Variants in DPY19L2 observed in about 807,000 individuals in gnomAD.
DPY19L2 encodes dpy-19 like 2.
In DPY19L2, 34 loss-of-function variants were observed where a neutral mutation model predicts 97.9. The ratio of observed to expected loss-of-function variants is 0.35; its 90% CI spans 0.26 to 0.46. The LOEUF is 0.46. Among genes scored for constraint, DPY19L2 ranks in the 20% least tolerant of loss-of-function variants. The probability of loss-of-function intolerance (pLI) is 1.00; values close to 1 mark genes in which losing one functional copy is unlikely to be tolerated. For missense variants in DPY19L2, 623 were observed against 911.4 expected (o/e 0.68, Z 4.07); for synonymous variants, 230 against 307.9 (o/e 0.75, Z 2.65).
At chr12:63,628,789 C>T (rs1292445861) in intron 6 of DPY19L2, among the ~76,000 whole-genome samples, 2 of 150,948 alleles carry the variant, frequency 1.3e-5, no homozygotes, top group African/African-American at 2.5e-5. Context: ...CCCTGACCTC[C>T]GAGTAGCATA....
chr12:63,637,409 C>G (rs1000691036), intron 6 of DPY19L2, among the ~76,000 whole-genome samples: 1 of 151,750 alleles, frequency 6.6e-6, no homozygotes, highest in African/African-American at 2.4e-5. Flanking sequence ...TTTAAAAAAT[C>G]AATGAATCCA....
chr12:63,562,993 C>T (rs2942654), intron 21 of DPY19L2, among the ~76,000 whole-genome samples: 1 of 152,058 alleles, frequency 6.6e-6, no homozygotes, highest in Non-Finnish European at 1.5e-5. Context: ...GATGGGGTTT[C>T]GCCATGTTGG....
intron 19 of DPY19L2, among the ~76,000 whole-genome samples, chr12:63,575,949 C>T (rs1879730787): frequency 6.6e-6 from 1 of 151,726 alleles, no homozygotes; most frequent in Admixed American, 6.6e-5. Flanking sequence ...TGTATGAGAC[C>T]AATATCACTT....
intron 11 of DPY19L2, among the ~76,000 whole-genome samples, chr12:63,610,304 A>G (rs1288225287): frequency 4.7e-5 from 4 of 85,422 alleles, no homozygotes. Context: ...GTATTTTCTG[A>G]GTATAATTAT....
At chr12:63,586,223 C>T (rs1210810094) in intron 16 of DPY19L2, among the ~76,000 whole-genome samples, 7 of 152,102 alleles carry the variant, frequency 4.6e-5, no homozygotes, top group African/African-American at 1.7e-4. Flanking sequence ...TTGAATGAAA[C>T]CCATAAATAT....
chr12:63,583,208 A>G (rs143943676), intron 17 of DPY19L2, among the ~76,000 whole-genome samples: 4,489 of 152,220 alleles, frequency 0.029, 104 homozygotes, highest in Middle Eastern at 0.082. Context: ...TATCTCTATT[A>G]AGTTCAAATT....
chr12:63,638,241 C>T (rs1487157933), intron 6 of DPY19L2, among the ~76,000 whole-genome samples: 1 of 152,150 alleles, frequency 6.6e-6, no homozygotes, highest in Admixed American at 6.6e-5. Context: ...GACAAACCCA[C>T]AGCCAATATC....
In DPY19L2 at chr12:63,607,250, C is replaced by G. The variant is rs981334549; in HGVS notation, c.1278+1366G>C. 2.0e-5 allele frequency among the ~76,000 whole-genome samples: 3 copies of G among 152,132 alleles called. No homozygotes were observed. In the East Asian group the frequency reaches 5.8e-4, roughly 29 times the overall value. ...TTTTTTGATGCTTATGGACACTCTT[C>G]TATTTATTGTCATTTTTCAATAGTT... is the stretch of plus-strand genomic sequence containing the variant. On this transcript the variant is annotated intron_variant, in intron 12 of 21. Coordinates refer to ENST00000324472, the MANE Select transcript of DPY19L2 (RefSeq NM_173812.5).
intron 6 of DPY19L2, among the ~76,000 whole-genome samples, chr12:63,630,468 T>C (rs1223789284): frequency 1.3e-5 from 2 of 151,430 alleles, no homozygotes; most frequent in African/African-American, 2.4e-5. Flanking sequence ...AAAAGACAAA[T>C]AAGGTAATTA....
At chr12:63,664,215 T>G (rs1265551623) in intron 2 of DPY19L2, among the ~76,000 whole-genome samples, 3 of 151,972 alleles carry the variant, frequency 2.0e-5, no homozygotes, top group Admixed American at 6.6e-5. Flanking sequence ...TGCATGTCTG[T>G]AATCCTGGCT....
chr12:63,591,994 G>A (rs1592472606), intron 16 of DPY19L2, among the ~76,000 whole-genome samples: 2 of 22,440 alleles, frequency 8.9e-5, no homozygotes, highest in African/African-American at 5.6e-4. Flanking sequence ...GGGAAGGGAA[G>A]GGAGGGGAAG....
At chr12:63,645,155 A>G (rs1273613902) in intron 5 of DPY19L2, among the ~76,000 whole-genome samples, 1 of 152,128 alleles carries the variant, frequency 6.6e-6, no homozygotes, top group Non-Finnish European at 1.5e-5. Flanking sequence ...CAAGTTTATG[A>G]TATTAGCTGG....
chr12:63,560,492 T>C lies in DPY19L2; in HGVS notation c.*20A>G, dbSNP rs761555604. 6.8e-6 allele frequency: 11 copies of C among 1,609,050 alleles called. No individual in the cohort carries two copies. In the South Asian group the frequency reaches 1.2e-4, roughly 18 times the overall value. ...TTTGACACACGGCATTGTGCCATAG[T>C]AAAATGGGTAGTATCCTTCTCAGTT... is the stretch of plus-strand genomic sequence containing the variant. On this transcript the variant is annotated 3_prime_UTR_variant, in exon 22 of 22. Coordinates refer to ENST00000324472, the MANE Select transcript of DPY19L2 (RefSeq NM_173812.5).
intron 18 of DPY19L2, among the ~76,000 whole-genome samples, chr12:63,582,088 A>G (rs1343488098): frequency 6.6e-6 from 1 of 151,942 alleles, no homozygotes; most frequent in East Asian, 1.9e-4. Context: ...GGTGTGAGCC[A>G]CTGTGCCAGG....
chr12:63,587,557 A>AATTATTATTATTATT (rs201195590), intron 16 of DPY19L2, among the ~76,000 whole-genome samples: 3,284 of 136,196 alleles, frequency 0.024, 75 homozygotes, highest in East Asian at 0.031. Flanking sequence ...CATTTTTAAA[A>AATTATTATTATTATT]ATTATTATTA....
Position 63,631,100 on chromosome 12 carries a change from C to A in DPY19L2, c.804-4574G>T, listed in dbSNP as rs530242305. Among the ~76,000 whole-genome samples, 13 of 151,886 alleles carry A rather than the reference C, an allele frequency of 8.6e-5. No individual in the cohort carries two copies. In the South Asian group the frequency reaches 2.5e-3, roughly 29 times the overall value. ...GAGGGAAATTTATAGCACTAAATGCCCACAAGAGAAAGCAGGACAGATCTA... is the reference window on the plus strand; with the variant it reads ...GAGGGAAATTTATAGCACTAAATGCACACAAGAGAAAGCAGGACAGATCTA... On this transcript the variant is annotated intron_variant, in intron 6 of 21. Coordinates refer to ENST00000324472, the MANE Select transcript of DPY19L2 (RefSeq NM_173812.5).
upstream of DPY19L2, chr12:63,668,716 T>C (rs1811738): frequency 0.26 from 86,081 of 325,146 alleles, 12,986 homozygotes; most frequent in East Asian, 0.57. Context: ...GCCTGCAGCC[T>C]CCGGTGCGCG....
chr12:63,580,862 C>A, intron 18 of DPY19L2, 26 bp from the exon 19 acceptor site: 1 of 1,605,652 alleles, frequency 6.2e-7, no homozygotes, highest in Non-Finnish European at 8.5e-7. Flanking sequence ...CCGTTTATTT[C>A]TAGTTCTTAT....
intron 13 of DPY19L2, among the ~76,000 whole-genome samples, chr12:63,599,578 T>C (rs544061264): frequency 6.6e-5 from 10 of 152,236 alleles, no homozygotes; most frequent in African/African-American, 2.2e-4. Context: ...AGGGCCCTAA[T>C]TGGATAGCAT....
Sources: gnomAD v4.1 joint callset for allele counts (sites outside exome capture counted in the v4.1 genomes callset) on GRCh38, gnomAD v4.1.1 for gene constraint, MANE v1.5 for transcripts, NCBI Gene and HGNC (gene_info 2026-07-23, HGNC 2026-07-21) for gene names.